The following ENKUR variants were observed in gnomAD, a reference collection of about 807,000 sequenced individuals.
ENKUR encodes enkurin, TRPC channel interacting protein.
Under a neutral mutation model 27.6 loss-of-function variants are expected in ENKUR, and 19 were observed. That is an observed-to-expected ratio of 0.69 (90% CI 0.48 to 1.01). The LOEUF (loss-of-function observed/expected upper bound fraction) is 1.01. ENKUR is among the 50% of genes least tolerant of loss of function. The probability of loss-of-function intolerance (pLI) is 0.00; values close to 1 mark genes in which losing one functional copy is unlikely to be tolerated. For missense variants in ENKUR, 312 were observed against 310.5 expected, an observed-to-expected ratio of 1.00 and a Z score of -0.04; for synonymous variants, 117 against 96.9, an observed-to-expected ratio of 1.21 and a Z score of -1.22.
intron 2 of ENKUR, among the ~76,000 whole-genome samples, chr10:25,035,014 A>G (rs1850991698): frequency 6.6e-6 from 1 of 152,204 alleles, no homozygotes; most frequent in Non-Finnish European, 1.5e-5. Flanking sequence ...GGAGAAAACA[A>G]TCAAAGCTAA....
chr10:25,022,995 T>C (rs779029265), intron 2 of ENKUR, among the ~76,000 whole-genome samples: 6 of 152,230 alleles, frequency 3.9e-5, no homozygotes, highest in Non-Finnish European at 5.9e-5. Flanking sequence ...AAGGATAATA[T>C]GCAATATATA....
At chr10:24,996,569 T>C (rs1385331734) in intron 2 of ENKUR, among the ~76,000 whole-genome samples, 2 of 152,180 alleles carry the variant, frequency 1.3e-5, no homozygotes, top group Non-Finnish European at 2.9e-5. Context: ...TATTTTAATA[T>C]AGCCAAATGG....
chr10:25,019,332 G>C (rs1485674903), upstream of ENKUR, among the ~76,000 whole-genome samples: 2 of 152,108 alleles, frequency 1.3e-5, no homozygotes, highest in Admixed American at 1.3e-4. Context: ...AAATTAGCTG[G>C]GTGTGGTGGT....
At chr10:25,052,932 G>T (rs1851203365) in intron 2 of ENKUR, among the ~76,000 whole-genome samples, 1 of 151,866 alleles carries the variant, frequency 6.6e-6, no homozygotes, top group African/African-American at 2.4e-5. Flanking sequence ...ACCATGCCTG[G>T]CTAATTTTGT....
intron 2 of ENKUR, among the ~76,000 whole-genome samples, chr10:25,051,249 AT>A (rs1324107831): frequency 4.6e-5 from 7 of 152,252 alleles, no homozygotes; most frequent in African/African-American, 1.7e-4. Flanking sequence ...GAGAATAAGC[AT>A]TTCTACAGTT....
At chr10:25,032,993 A>G (rs1309427271) in intron 2 of ENKUR, among the ~76,000 whole-genome samples, 1 of 152,216 alleles carries the variant, frequency 6.6e-6, no homozygotes, top group Non-Finnish European at 1.5e-5. Flanking sequence ...TTTGCAATTA[A>G]CAATCCTGAT....
chr10:25,002,947 C>T (rs1157433582), intron 1 of ENKUR, among the ~76,000 whole-genome samples: 1 of 151,756 alleles, frequency 6.6e-6, no homozygotes, highest in Non-Finnish European at 1.5e-5. Context: ...TCTTTACTTC[C>T]ACCTCTTTTA....
intron 2 of ENKUR, among the ~76,000 whole-genome samples, chr10:25,060,135 G>A (rs185492641): frequency 1.5e-3 from 232 of 152,224 alleles, no homozygotes; most frequent in Non-Finnish European, 2.4e-3. Flanking sequence ...CTGTCTGTAC[G>A]TCTGTACAAG....
At chr10:25,008,821 G>T (rs113423112) in intron 1 of ENKUR, among the ~76,000 whole-genome samples, 7,896 of 152,182 alleles carry the variant, frequency 0.052, 289 homozygotes, top group Non-Finnish European at 0.076. Context: ...GTTTATTGTG[G>T]CACTATTCAC....
At chr10:25,040,349 T>C (rs1211735209) in intron 2 of ENKUR, among the ~76,000 whole-genome samples, 2 of 151,304 alleles carry the variant, frequency 1.3e-5, no homozygotes, top group Admixed American at 6.6e-5. Flanking sequence ...TTAAACACTC[T>C]ACCACAGGTA....
chr10:25,025,365 G>T lies in ENKUR; in HGVS notation c.38-29496C>A, dbSNP rs773981018. On this transcript the variant is annotated intron_variant, in intron 2 of 5. Transcript: ENST00000615958. ...AGGCTTTATTAGAGAGAACAAAACAGCAAGAGAAGATGGAGTACCAGGTCT... is the reference window on the plus strand; with the variant it reads ...AGGCTTTATTAGAGAGAACAAAACATCAAGAGAAGATGGAGTACCAGGTCT... The T allele has an allele frequency of 3.7e-6, 6 of 1,614,088 alleles. No homozygotes were observed. Among genetic ancestry groups the T allele is most frequent in the Admixed American group, 3.3e-5 (2 of 60,008 alleles).
intron 2 of ENKUR, among the ~76,000 whole-genome samples, chr10:25,054,513 C>CTTTT (rs1554774507): frequency 1.1e-4 from 8 of 71,284 alleles, no homozygotes; most frequent in African/African-American, 4.5e-4. Context: ...TTCTTTCTTT[C>CTTTT]CTTTCTTTCT....
At chr10:24,998,909 A>G (rs1850124993) in intron 2 of ENKUR, among the ~76,000 whole-genome samples, 1 of 152,200 alleles carries the variant, frequency 6.6e-6, no homozygotes, top group Non-Finnish European at 1.5e-5. Flanking sequence ...CCTCCATTAC[A>G]TCTAACTCAT....
chr10:25,010,439 A>T (rs1850414685), intron 1 of ENKUR, among the ~76,000 whole-genome samples: 1 of 151,478 alleles, frequency 6.6e-6, no homozygotes, highest in Non-Finnish European at 1.5e-5. Flanking sequence ...ATTGGAACTC[A>T]TTTTTTTTAT....
intron 2 of ENKUR, chr10:25,024,652 C>T: frequency 6.2e-7 from 1 of 1,614,248 alleles, no homozygotes; most frequent in Non-Finnish European, 8.5e-7. Flanking sequence ...GGGCCGACTA[C>T]TTCCGCAGGT....
intron 2 of ENKUR, among the ~76,000 whole-genome samples, chr10:25,037,075 G>A (rs1490428189): frequency 6.6e-6 from 1 of 152,212 alleles, no homozygotes; most frequent in Non-Finnish European, 1.5e-5. Flanking sequence ...TGGGGCATGT[G>A]CTGTTCACTT....
chr10:25,061,164 A>G (rs2130503840), exon 2 of ENKUR: 2 of 1,536,026 alleles, frequency 1.3e-6, no homozygotes, highest in African/African-American at 2.7e-5. Flanking sequence ...GTGGTGAACA[A>G]TCTCCATAAG....
At chr10:25,058,072 C>G (rs1564359577) in intron 2 of ENKUR, among the ~76,000 whole-genome samples, 1 of 152,068 alleles carries the variant, frequency 6.6e-6, no homozygotes, top group East Asian at 1.9e-4. Context: ...AAGAAAGCCC[C>G]TGTCAGCTGA....
intron 2 of ENKUR, among the ~76,000 whole-genome samples, chr10:25,031,967 G>A (rs752964585): frequency 1.1e-4 from 17 of 151,900 alleles, no homozygotes; most frequent in Non-Finnish European, 1.6e-4. Flanking sequence ...AGCCACTGTG[G>A]CCAGCTAAGG....
Sources: gnomAD v4.1 joint callset for allele counts (sites outside exome capture counted in the v4.1 genomes callset) on GRCh38, gnomAD v4.1.1 for gene constraint, MANE v1.5 for transcripts, NCBI Gene and HGNC (gene_info 2026-07-23, HGNC 2026-07-21) for gene names.